Variants in PSMA4 observed in about 807,000 individuals in gnomAD.
PSMA4 encodes the protein proteasome 20S subunit alpha 4, also known as proteasome subunit alpha type-4.
A neutral mutation model predicts 37.2 loss-of-function variants in PSMA4; 8 were observed. That is an observed-to-expected ratio of 0.22 (90% confidence interval 0.13 to 0.39). The LOEUF is 0.39. Among genes scored for constraint, PSMA4 ranks in the 10% least tolerant of loss-of-function variants. PSMA4 has a pLI of 1.00. For missense variants in PSMA4, 169 were observed against 305.1 expected (o/e 0.55, Z 3.32); for synonymous variants, 93 against 98.8 (o/e 0.94, Z 0.35).
Position 78,550,914 on chromosome 15 carries a change from C to T in PSMA4, c.*1970C>T, listed in dbSNP as rs1403619486. 1 of 152,142 alleles carries T rather than the reference C, an allele frequency of 6.6e-6. No homozygotes were observed. The highest frequency in any genetic ancestry group is 1.5e-5 in the Non-Finnish European group (1 of 68,026). The allele number at this position is 152,142 out of a possible 1,614,324, so 9.4% of individuals were successfully genotyped here. ...TATGAGAATGCAAATTTTGCAAATT[C>T]ACAAGTACAGAATCAGCAAGTAGTG... On this transcript the variant is annotated 3_prime_UTR_variant, in exon 9 of 9. Transcript: ENST00000044462.
chr15:78,541,089 T>A (rs980709612), intron 1 of PSMA4: 1 of 152,032 alleles, frequency 6.6e-6, no homozygotes, highest in African/African-American at 2.4e-5. Flanking sequence ...GCCAATCAGT[T>A]CCTGTGGGCC....
Position 78,550,736 on chromosome 15 carries a change from G to A in PSMA4, c.*1792G>A, listed in dbSNP as rs997776203. 6 of 152,094 alleles carry A rather than the reference G, an allele frequency of 3.9e-5. No individual in the cohort carries two copies. The highest frequency in any genetic ancestry group is 3.9e-4 in the East Asian group (2 of 5,194). The allele number at this position is 152,094 out of a possible 1,614,324, so 9.4% of individuals were successfully genotyped here. The stretch of plus-strand genomic sequence containing the variant: ...AGGTAGACTGCAGGAACACTTACAC[G>A]GTGTGAGAGCTGAAACAAGAATTCA... On this transcript the variant is annotated 3_prime_UTR_variant, in exon 9 of 9. Coordinates refer to ENST00000044462, the MANE Select transcript of PSMA4 (RefSeq NM_002789.6).
At chr15:78,541,584 C>T in intron 1 of PSMA4, 2 of 335,588 alleles carry the variant, frequency 6.0e-6, no homozygotes, top group Admixed American at 4.8e-5. Flanking sequence ...CTTATTTCTG[C>T]CTCTCCCATC....
intron 1 of PSMA4, chr15:78,541,042 C>T (rs2052441358): frequency 6.6e-6 from 1 of 152,334 alleles, no homozygotes; most frequent in South Asian, 2.1e-4. Flanking sequence ...AGTTCGCTGC[C>T]CTCGGTCTCT....
At position 78,549,763 on chromosome 15, in the gene PSMA4, GAA is replaced by G. The variant is rs2052618051; in HGVS notation, c.*820_*821del. On this transcript the variant is annotated 3_prime_UTR_variant, in exon 9 of 9. Transcript: ENST00000044462. The stretch of plus-strand genomic sequence containing the variant: ...TTAGGAATGCTAAGTAAAACTTTAA[GAA>G]GTTTTTGTTGCATATTAGAATCACC... 4 of 152,228 alleles carry G rather than the reference GAA, an allele frequency of 2.6e-5. No individual in the cohort carries two copies. In the South Asian group the frequency reaches 8.3e-4, roughly 31 times the overall value. The allele number at this position is 152,228 out of a possible 1,614,324, so 9.4% of individuals were successfully genotyped here.
intron 6 of PSMA4, 138 bp from the exon 7 acceptor site, chr15:78,545,496 A>T (rs983093621): frequency 2.0e-6 from 2 of 980,010 alleles, no homozygotes; most frequent in African/African-American, 3.2e-5. Context: ...GAGCTTATCT[A>T]TGGTAGCCAG....
At chr15:78,541,834 T>C (rs2052458584) in intron 1 of PSMA4, 71 bp from the exon 2 acceptor site, 7 of 1,289,730 alleles carry the variant, frequency 5.4e-6, no homozygotes, top group African/African-American at 1.5e-5. Context: ...ATAAAACAGA[T>C]TTGTAAAGTC....
Position 78,544,260 on chromosome 15 carries a change from G to A in PSMA4, c.280G>A (p.Ala94Thr). 6.2e-7 allele frequency: 1 copy of A among 1,608,136 alleles called. No individual in the cohort carries two copies. Among genetic ancestry groups the A allele is most frequent in the African/African-American group, 1.3e-5 (1 of 74,582 alleles). The change falls in exon 5 of 9, where the codon GCT (alanine) becomes ACT (threonine). Residue 94 changes from alanine (A) to threonine (T), a missense_variant. Around this residue, in one of 2 missense-constraint regions of PSMA4, gnomAD observed 79 missense variants for 212.4 expected, o/e 0.37. Transcript: ENST00000044462. The part of the protein sequence containing the change: ...NVLTNELRLI[A>T]QRYLLQYQEP... The stretch of plus-strand genomic sequence containing the variant: ...TCTGACTAATGAACTAAGGCTCATT[G>A]CTCAAAGGTATGGTCATAAATAGCA...
At chr15:78,548,096 G>T (rs150760987) in intron 8 of PSMA4, among the ~76,000 whole-genome samples, 2 of 152,154 alleles carry the variant, frequency 1.3e-5, no homozygotes, top group East Asian at 3.9e-4. Context: ...GCCGGGCGTG[G>T]TGGTGCGCAC....
chr15:78,547,830 C>G (rs746489545), intron 8 of PSMA4, among the ~76,000 whole-genome samples: 5 of 150,720 alleles, frequency 3.3e-5, no homozygotes, highest in Non-Finnish European at 7.4e-5. Context: ...GAGAGAGACT[C>G]TGTCTCAAAA....
chr15:78,547,803 C>T (rs2052579932), intron 8 of PSMA4, among the ~76,000 whole-genome samples: 1 of 151,884 alleles, frequency 6.6e-6, no homozygotes, highest in Admixed American at 6.6e-5. Flanking sequence ...TGCCACTGCA[C>T]TCCAGCGTGG....
intron 4 of PSMA4, 113 bp downstream of exon 4, chr15:78,542,758 C>A: frequency 9.5e-7 from 1 of 1,054,074 alleles, no homozygotes; most frequent in Non-Finnish European, 1.3e-6. Flanking sequence ...GAAATTGTGC[C>A]TTTATTTTGC....
chr15:78,549,134 G>A lies in PSMA4; in HGVS notation c.*190G>A. ...GTAACGATGATGGTTACCCTTCATG[G>A]ACGTCTTAATCTTCCACACACATCC... On this transcript the variant is annotated 3_prime_UTR_variant, in exon 9 of 9. Coordinates refer to ENST00000044462, the MANE Select transcript of PSMA4 (RefSeq NM_002789.6). 1 of 894,994 alleles carries A rather than the reference G, an allele frequency of 1.1e-6. No homozygotes were observed. The highest frequency in any genetic ancestry group is 1.5e-6 in the Non-Finnish European group (1 of 681,820). The allele number at this position is 894,994 out of a possible 1,614,324, so 55.4% of individuals were successfully genotyped here. A position where few individuals can be genotyped will look rare whatever the true frequency, so the allele number is the denominator to read the frequency against.
chr15:78,547,169 A>G (rs946886908), intron 8 of PSMA4, among the ~76,000 whole-genome samples: 1 of 152,208 alleles, frequency 6.6e-6, no homozygotes, highest in Non-Finnish European at 1.5e-5. Flanking sequence ...ACTAGGGCTT[A>G]ATGAGGTTAA....
Position 78,542,179 on chromosome 15 carries a change from TCGAAGATATGACTC to T in PSMA4, c.8_21del (p.Arg3GlnfsTer15), listed in dbSNP as rs2052466125. 1 of 1,612,130 alleles carries T rather than the reference TCGAAGATATGACTC, an allele frequency of 6.2e-7. No homozygotes were observed. The highest frequency in any genetic ancestry group is 1.7e-5 in the Admixed American group (1 of 59,624). On this transcript the variant is annotated frameshift_variant, in exon 3 of 9. Transcript: ENST00000044462. LOFTEE classifies it high-confidence loss of function. ...ACTCATGTGTTTTTCCTTTGCAGTC[TCGAAGATATGACTC>T]CAGGACCACTATATTTTCTCCAGAA...
chr15:78,552,370 T>C lies in PSMA4; in HGVS notation c.*3426T>C, dbSNP rs1159084537. 1 of 152,228 alleles carries C rather than the reference T, an allele frequency of 6.6e-6. No homozygotes were observed. Among genetic ancestry groups the C allele is most frequent in the Non-Finnish European group, 1.5e-5 (1 of 68,042 alleles). The allele number at this position is 152,228 out of a possible 1,614,324, so 9.4% of individuals were successfully genotyped here. Reference sequence around the variant, plus strand: ...AAATCAAAGTCAAATTGATTTCATTTTGGTGAGCTTTCAAATCATGCTTTT... The same window carrying C: ...AAATCAAAGTCAAATTGATTTCATTCTGGTGAGCTTTCAAATCATGCTTTT... On this transcript the variant is annotated 3_prime_UTR_variant, in exon 9 of 9. Coordinates refer to ENST00000044462, the MANE Select transcript of PSMA4 (RefSeq NM_002789.6).
At chr15:78,546,249 G>C (rs1401050771) in intron 7 of PSMA4, among the ~76,000 whole-genome samples, 1 of 152,132 alleles carries the variant, frequency 6.6e-6, no homozygotes, top group Non-Finnish European at 1.5e-5. Flanking sequence ...TTCGAGACCA[G>C]CCTGGGCAAC....
chr15:78,540,542 G>A lies in PSMA4; in HGVS notation c.-24+3G>A, dbSNP rs1302936171. On this transcript the variant is annotated splice_donor_region_variant and intron_variant, in intron 1 of 8. Coordinates refer to ENST00000044462, the MANE Select transcript of PSMA4 (RefSeq NM_002789.6). ...AGGTCTTCAGGGTCTTCCATCTGGTGAGCCTTTGGCCCCTTGGGGCCCGCG... is the reference window on the plus strand; with the variant it reads ...AGGTCTTCAGGGTCTTCCATCTGGTAAGCCTTTGGCCCCTTGGGGCCCGCG... 2 of 152,510 alleles carry A rather than the reference G, an allele frequency of 1.3e-5. No individual in the cohort carries two copies. Among genetic ancestry groups the A allele is most frequent in the African/African-American group, 4.8e-5 (2 of 41,464 alleles). The allele number at this position is 152,510 out of a possible 1,614,324, so 9.4% of individuals were successfully genotyped here.
chr15:78,544,104 A>T, intron 4 of PSMA4, 86 bp from the exon 5 acceptor site: 1 of 970,368 alleles, frequency 1.0e-6, no homozygotes, highest in Non-Finnish European at 1.6e-6. Flanking sequence ...TGAATTTCTA[A>T]TAGAAATTAG....
Sources: allele counts gnomAD v4.1 joint callset (sites outside exome capture counted in the v4.1 genomes callset), GRCh38; gene constraint gnomAD v4.1.1; regional missense constraint gnomAD v4.1.1; transcripts MANE v1.5; gene names NCBI Gene and HGNC (gene_info 2026-07-23, HGNC 2026-07-21).